Variants in XKR4 observed in about 807,000 individuals in gnomAD.
XKR4 encodes XK-related protein 4.
Under a neutral mutation model 53.9 loss-of-function variants are expected in XKR4, and 12 were observed. That is an observed-to-expected ratio of 0.22 (90% CI 0.14 to 0.36). The LOEUF is 0.36. XKR4 is among the 10% of genes least tolerant of loss of function. The pLI is 1.00. For missense variants in XKR4, 799 were observed against 859.5 expected, an observed-to-expected ratio of 0.93 and a Z score of 0.88; for synonymous variants, 354 against 362.4, an observed-to-expected ratio of 0.98 and a Z score of 0.26.
chr8:55,318,583 CT>C (rs1803153250), intron 1 of XKR4, among the ~76,000 whole-genome samples: 1 of 152,146 alleles, frequency 6.6e-6, no homozygotes, highest in African/African-American at 2.4e-5. Context: ...CTTGCATCAC[CT>C]TTTTGTTAAA....
At chr8:55,422,736 G>A (rs1222132991) in intron 2 of XKR4, among the ~76,000 whole-genome samples, 1 of 152,204 alleles carries the variant, frequency 6.6e-6, no homozygotes, top group East Asian at 1.9e-4. Context: ...TAGCATCAGA[G>A]TTGCACTTCA....
chr8:55,170,630 T>C (rs1042273142), intron 1 of XKR4, among the ~76,000 whole-genome samples: 1 of 151,568 alleles, frequency 6.6e-6, no homozygotes, highest in Admixed American at 6.6e-5. Context: ...ACAGCACCAA[T>C]AAGAAATTAA....
intron 2 of XKR4, among the ~76,000 whole-genome samples, chr8:55,401,820 C>T (rs752126468): frequency 2.0e-4 from 30 of 152,258 alleles, no homozygotes; most frequent in Non-Finnish European, 4.3e-4. Flanking sequence ...ATTATCATTA[C>T]GATGTGGTGA....
chr8:55,266,254 G>A (rs190019165), intron 1 of XKR4, among the ~76,000 whole-genome samples: 16 of 151,868 alleles, frequency 1.1e-4, no homozygotes, highest in South Asian at 4.2e-4. Context: ...TGATGTGAGC[G>A]CAGTACAGTG....
chr8:55,260,535 C>A (rs112140952), intron 1 of XKR4, among the ~76,000 whole-genome samples: 201 of 152,086 alleles, frequency 1.3e-3, no homozygotes, highest in African/African-American at 4.7e-3. Context: ...GTTTAGAGTG[C>A]AGGTTTACTA....
At chr8:55,452,974 A>AGCAGCTCC in intron 2 of XKR4, 1 of 720,602 alleles carries the variant, frequency 1.4e-6, no homozygotes, top group Middle Eastern at 2.4e-4. Flanking sequence ...CCGCTCAGGG[A>AGCAGCTCC]TGGCCACAGG....
At chr8:55,321,809 T>G (rs547512289) in intron 1 of XKR4, among the ~76,000 whole-genome samples, 7 of 152,192 alleles carry the variant, frequency 4.6e-5, no homozygotes, top group African/African-American at 1.7e-4. Flanking sequence ...GCCAACGTGG[T>G]GAAACCCCGT....
intron 2 of XKR4, among the ~76,000 whole-genome samples, chr8:55,464,170 C>CA (rs1182177282): frequency 6.6e-5 from 10 of 151,938 alleles, no homozygotes; most frequent in Non-Finnish European, 1.3e-4. Context: ...AGAGACACAA[C>CA]AAAAAAAGAG....
intron 1 of XKR4, among the ~76,000 whole-genome samples, chr8:55,260,140 C>T (rs768309396): frequency 1.3e-5 from 2 of 152,154 alleles, no homozygotes; most frequent in Non-Finnish European, 2.9e-5. Context: ...GCACAGTGGG[C>T]GCTTAAAGAA....
intron 2 of XKR4, among the ~76,000 whole-genome samples, chr8:55,358,801 T>A (rs1284747322): frequency 6.6e-6 from 1 of 152,252 alleles, no homozygotes; most frequent in Non-Finnish European, 1.5e-5. Flanking sequence ...TCTGGGCACA[T>A]GCTGCTCCCT....
chr8:55,157,757 A>T (rs1816927772), intron 1 of XKR4, among the ~76,000 whole-genome samples: 1 of 152,184 alleles, frequency 6.6e-6, no homozygotes, highest in Non-Finnish European at 1.5e-5. Context: ...TCCCACTTAC[A>T]AGTGAGAACA....
rs1805434961 is a variant in XKR4, at chr8:55,451,123, G to A, written c.1007-72158G>A. 5 of 521,542 alleles carry A rather than the reference G, an allele frequency of 9.6e-6. No individual in the cohort carries two copies. The South Asian group carries it at 1.0e-4, about 11-fold the overall frequency. 32.3% of individuals were successfully genotyped at this position (521,542 alleles called of 1,614,324 possible). On this transcript the variant is annotated intron_variant, in intron 2 of 2. Transcript: ENST00000327381. The stretch of plus-strand genomic sequence containing the variant: ...TGGCCTTTGTCCCCGAGGATGTAGA[G>A]GGCTGCTTGCTGTGGCCACAGGAAG...
intron 1 of XKR4, among the ~76,000 whole-genome samples, chr8:55,294,018 A>G (rs950870633): frequency 1.3e-5 from 2 of 152,222 alleles, no homozygotes; most frequent in African/African-American, 4.8e-5. Flanking sequence ...CTTCACGCCC[A>G]AGACACTGGA....
At chr8:55,347,425 A>G (rs184469694) in intron 1 of XKR4, among the ~76,000 whole-genome samples, 1 of 152,222 alleles carries the variant, frequency 6.6e-6, no homozygotes, top group African/African-American at 2.4e-5. Context: ...TTTCATGCAC[A>G]TCTTCAAAAA....
At chr8:55,482,495 A>G (rs1266878254) in intron 2 of XKR4, among the ~76,000 whole-genome samples, 1 of 152,136 alleles carries the variant, frequency 6.6e-6, no homozygotes, top group Non-Finnish European at 1.5e-5. Flanking sequence ...ATGTATACAT[A>G]TGTAACAAAC....
chr8:55,158,739 C>T (rs1197589783), intron 1 of XKR4, among the ~76,000 whole-genome samples: 3 of 152,250 alleles, frequency 2.0e-5, no homozygotes, highest in East Asian at 3.9e-4. Context: ...ATTCCATTTA[C>T]CTTTCCACAT....
At chr8:55,384,948 T>C (rs143361017) in intron 2 of XKR4, among the ~76,000 whole-genome samples, 20 of 152,374 alleles carry the variant, frequency 1.3e-4, no homozygotes, top group African/African-American at 4.6e-4. Flanking sequence ...GACTCCTCTT[T>C]GAGAATGGCC....
At chr8:55,449,876 T>C in intron 2 of XKR4, 1 of 934,690 alleles carries the variant, frequency 1.1e-6, no homozygotes, top group Non-Finnish European at 1.8e-6. Context: ...GTAAGGGTGC[T>C]GGTGCTGCCG....
At chr8:55,104,465 G>A (rs1441363675) in intron 1 of XKR4, among the ~76,000 whole-genome samples, 2 of 152,128 alleles carry the variant, frequency 1.3e-5, no homozygotes, top group Admixed American at 1.3e-4. Flanking sequence ...TGTGATAAAA[G>A]ATGTGAGTTC....
Sources: allele counts gnomAD v4.1 joint callset (sites outside exome capture counted in the v4.1 genomes callset), GRCh38; gene constraint gnomAD v4.1.1; transcripts MANE v1.5; gene names NCBI Gene and HGNC (gene_info 2026-07-23, HGNC 2026-07-21).